Variants in HIVEP3 observed in about 807,000 individuals in gnomAD.
The protein encoded by HIVEP3 is HIVEP zinc finger 3, also known as transcription factor HIVEP3.
HIVEP3 carries 49 observed loss-of-function variants against 152.8 expected under a neutral mutation model. The ratio of observed to expected loss-of-function variants is 0.32; its 90% confidence interval spans 0.26 to 0.41. The LOEUF (loss-of-function observed/expected upper bound fraction) is 0.41, where lower values mean the gene tolerates loss of function less well. HIVEP3 is among the 10% of genes least tolerant of loss of function. The probability of loss-of-function intolerance (pLI) is 1.00; values close to 1 mark genes in which losing one functional copy is unlikely to be tolerated. For missense variants in HIVEP3, 2,790 were observed against 3,103.3 expected (o/e 0.90, Z 2.40); for synonymous variants, 1,269 against 1,289.0 (o/e 0.98, Z 0.33).
chr1:42,004,747 T>C (rs1050821798), intron 1 of HIVEP3, among the ~76,000 whole-genome samples: 1 of 152,208 alleles, frequency 6.6e-6, no homozygotes, highest in Non-Finnish European at 1.5e-5. Context: ...AGCAGCAGCA[T>C]CACCTGTGAA....
chr1:41,565,649 C>T (rs1275363543), intron 5 of HIVEP3, among the ~76,000 whole-genome samples: 1 of 152,064 alleles, frequency 6.6e-6, no homozygotes, highest in African/African-American at 2.4e-5. Flanking sequence ...CCAGCTTCCT[C>T]CTGGGAGCCC....
rs1458880856 is a variant in HIVEP3 at position 41,518,387 on chromosome 1, G to T, written c.5470+15C>A. The stretch of plus-strand genomic sequence containing the variant: ...GACAAGGGGAAAGGGGACGGAGAAG[G>T]TTGGCAATTGTTACCTTCTTCGGCT... On this transcript the variant is annotated intron_variant, in intron 7 of 8. Coordinates refer to ENST00000372583, the MANE Select transcript of HIVEP3 (RefSeq NM_024503.5). 2 of 1,609,320 alleles carry T rather than the reference G, an allele frequency of 1.2e-6. No homozygotes were observed. The highest frequency in any genetic ancestry group is 3.3e-5 in the Admixed American group (2 of 60,018).
intron 7 of HIVEP3, among the ~76,000 whole-genome samples, chr1:41,516,540 C>T (rs1226503305): frequency 3.3e-5 from 5 of 152,218 alleles, no homozygotes; most frequent in African/African-American, 9.6e-5. Context: ...CCCTCCGGAA[C>T]CTCCCCAGAA....
chr1:41,903,384 AAG>A (rs369175992), intron 1 of HIVEP3, among the ~76,000 whole-genome samples: 6 of 152,212 alleles, frequency 3.9e-5, no homozygotes, highest in African/African-American at 1.4e-4. Flanking sequence ...TTGAGATACT[AAG>A]AGTCTTTACT....
chr1:41,653,628 A>T (rs1191407526), intron 2 of HIVEP3, among the ~76,000 whole-genome samples: 2 of 152,222 alleles, frequency 1.3e-5, no homozygotes, highest in African/African-American at 2.4e-5. Context: ...ACCCATGATG[A>T]TGATGGTTTC....
chr1:41,657,002 G>T (rs971585300), intron 2 of HIVEP3, among the ~76,000 whole-genome samples: 1 of 152,196 alleles, frequency 6.6e-6, no homozygotes, highest in African/African-American at 2.4e-5. Flanking sequence ...CTGAGATCTG[G>T]AGAGGAAATA....
chr1:41,893,564 G>T (rs1644480749), intron 1 of HIVEP3, among the ~76,000 whole-genome samples: 1 of 152,016 alleles, frequency 6.6e-6, no homozygotes, highest in Admixed American at 6.6e-5. Flanking sequence ...GGCCCAAAAT[G>T]TCAATGGTGC....
intron 5 of HIVEP3, among the ~76,000 whole-genome samples, chr1:41,551,858 A>G (rs566039245): frequency 1.3e-5 from 2 of 151,802 alleles, no homozygotes; most frequent in East Asian, 1.9e-4. Context: ...TTTTCTGAAG[A>G]GTTTTTGTGT....
chr1:41,675,261 G>A (rs1244724571), intron 2 of HIVEP3, among the ~76,000 whole-genome samples: 5 of 152,012 alleles, frequency 3.3e-5, no homozygotes, highest in Admixed American at 3.3e-4. Context: ...TCTCCCCCTC[G>A]ATCCACCTGG....
chr1:41,887,130 C>T (rs1644360427), intron 1 of HIVEP3, among the ~76,000 whole-genome samples: 2 of 152,126 alleles, frequency 1.3e-5, no homozygotes, highest in South Asian at 4.1e-4. Context: ...TGCAACCTCC[C>T]TTTAGAAAAA....
At chr1:41,666,978 C>T (rs1645805562) in intron 2 of HIVEP3, among the ~76,000 whole-genome samples, 1 of 152,188 alleles carries the variant, frequency 6.6e-6, no homozygotes, top group African/African-American at 2.4e-5. Flanking sequence ...CTTTTCCCCT[C>T]ACCCATCTGC....
At chr1:41,738,471 T>C (rs1646950325) in intron 1 of HIVEP3, among the ~76,000 whole-genome samples, 1 of 152,186 alleles carries the variant, frequency 6.6e-6, no homozygotes, top group African/African-American at 2.4e-5. Context: ...AGCATAAGAA[T>C]GTTTAAAACT....
intron 2 of HIVEP3, among the ~76,000 whole-genome samples, chr1:41,648,943 G>T (rs1645503444): frequency 6.6e-6 from 1 of 152,260 alleles, no homozygotes; most frequent in African/African-American, 2.4e-5. Context: ...GTGCTGCATA[G>T]TTGATGGCTT....
intron 5 of HIVEP3, among the ~76,000 whole-genome samples, chr1:41,566,443 C>T (rs1329607844): frequency 2.0e-5 from 3 of 152,188 alleles, no homozygotes; most frequent in African/African-American, 7.2e-5. Context: ...TCACCTGCCC[C>T]TTGCTAGAAG....
intron 1 of HIVEP3, among the ~76,000 whole-genome samples, chr1:42,006,167 T>C (rs139647974): frequency 6.6e-6 from 1 of 152,258 alleles, no homozygotes; most frequent in Non-Finnish European, 1.5e-5. Flanking sequence ...GAAACCAAGA[T>C]ATGACAGAAG....
At chr1:41,727,425 A>G (rs1377893896) in intron 1 of HIVEP3, among the ~76,000 whole-genome samples, 1 of 152,176 alleles carries the variant, frequency 6.6e-6, no homozygotes. Flanking sequence ...GGGGATCCCA[A>G]AGTGGCAGCA....
Position 41,969,046 on chromosome 1 carries a change from A to T in HIVEP3, n.120-50522T>A, listed in dbSNP as rs139237501. 4.6e-3 allele frequency among the ~76,000 whole-genome samples: 700 copies of T among 152,306 alleles called. 5 individuals are homozygous for T. The highest frequency in any genetic ancestry group is 0.01 in the Middle Eastern group (3 of 294). ...CAAGGAGAACTACAAACTACTGCTC[A>T]AGGAAATCAGAGAGGACAAAAACAG... On this transcript the variant is annotated intron_variant and non_coding_transcript_variant, in intron 1 of 3. Coordinates refer to the HIVEP3 transcript ENST00000489103.
chr1:41,805,454 T>C (rs1421869378), intron 1 of HIVEP3, among the ~76,000 whole-genome samples: 1 of 152,238 alleles, frequency 6.6e-6, no homozygotes, highest in Admixed American at 6.5e-5. Context: ...ACACGTGCCC[T>C]TCCATGGAAT....
At chr1:41,536,319 C>T (rs753917001) in intron 5 of HIVEP3, among the ~76,000 whole-genome samples, 13 of 152,130 alleles carry the variant, frequency 8.5e-5, no homozygotes, top group Non-Finnish European at 1.6e-4. Flanking sequence ...GAATTCATGA[C>T]GTCTACGTGC....
Sources: gnomAD v4.1 joint callset for allele counts (sites outside exome capture counted in the v4.1 genomes callset) on GRCh38, gnomAD v4.1.1 for gene constraint, MANE v1.5 for transcripts, NCBI Gene and HGNC (gene_info 2026-07-23, HGNC 2026-07-21) for gene names.